Variants in ZFPM2 observed in about 807,000 individuals in gnomAD.
ZFPM2 encodes zinc finger protein, FOG family member 2.
In ZFPM2, 20 loss-of-function variants were observed where a neutral mutation model predicts 98.6. The ratio of observed to expected loss-of-function variants is 0.20; its 90% CI spans 0.14 to 0.29. The LOEUF (loss-of-function observed/expected upper bound fraction) is 0.29, where lower values mean the gene tolerates loss of function less well. Among genes scored for constraint, ZFPM2 ranks in the 10% least tolerant of loss-of-function variants. The pLI is 1.00. For missense variants in ZFPM2, 1,310 were observed against 1,388.6 expected (o/e 0.94, Z 0.90); for synonymous variants, 518 against 502.7 (o/e 1.03, Z -0.41).
At chr8:105,348,675 A>G (rs1812584742) in intron 1 of ZFPM2, among the ~76,000 whole-genome samples, 1 of 152,158 alleles carries the variant, frequency 6.6e-6, no homozygotes, top group Admixed American at 6.6e-5. Flanking sequence ...CACTTCTTTC[A>G]AGGGAGGGAC....
chr8:105,555,558 A>G (rs564552439), intron 3 of ZFPM2, among the ~76,000 whole-genome samples: 3 of 152,284 alleles, frequency 2.0e-5, no homozygotes, highest in Non-Finnish European at 2.9e-5. Flanking sequence ...TTCAAATATC[A>G]TGTGTCACAA....
At chr8:105,505,273 G>T (rs1813676582) in intron 3 of ZFPM2, among the ~76,000 whole-genome samples, 1 of 152,056 alleles carries the variant, frequency 6.6e-6, no homozygotes, top group African/African-American at 2.4e-5. Context: ...GTCTATAAAT[G>T]GTTACTAGTA....
chr8:105,346,263 A>G (rs1335190828), intron 1 of ZFPM2, among the ~76,000 whole-genome samples: 1 of 152,010 alleles, frequency 6.6e-6, no homozygotes, highest in Non-Finnish European at 1.5e-5. Context: ...GCATGACTGT[A>G]ATCCCAGCTA....
At chr8:105,340,357 C>A (rs1812405042) in intron 1 of ZFPM2, among the ~76,000 whole-genome samples, 1 of 151,854 alleles carries the variant, frequency 6.6e-6, no homozygotes, top group South Asian at 2.1e-4. Flanking sequence ...CCCATAACAA[C>A]AAAAATGCCT....
At chr8:105,507,283 C>G (rs1336736823) in intron 3 of ZFPM2, among the ~76,000 whole-genome samples, 1 of 152,158 alleles carries the variant, frequency 6.6e-6, no homozygotes, top group African/African-American at 2.4e-5. Context: ...TAAGAGTGAT[C>G]TCAGGTTAGG....
At chr8:105,534,684 G>A (rs963531838) in intron 3 of ZFPM2, among the ~76,000 whole-genome samples, 2 of 152,150 alleles carry the variant, frequency 1.3e-5, no homozygotes, top group African/African-American at 4.8e-5. Flanking sequence ...CAGCAGCTCA[G>A]TGAAAATACA....
intron 3 of ZFPM2, among the ~76,000 whole-genome samples, chr8:105,556,130 G>A (rs1043369042): frequency 2.6e-5 from 4 of 152,138 alleles, no homozygotes; most frequent in African/African-American, 9.7e-5. Flanking sequence ...TCCTGGCAGA[G>A]ATTTGAAACC....
chr8:105,470,729 G>C (rs569838345), intron 3 of ZFPM2, among the ~76,000 whole-genome samples: 2 of 152,122 alleles, frequency 1.3e-5, no homozygotes, highest in Admixed American at 1.3e-4. Flanking sequence ...AGTGAGCCAA[G>C]ATTGTGCCAC....
chr8:105,804,394 T>TATAAG lies in ZFPM2; in HGVS notation c.*859_*863dup, dbSNP rs1460502598. The TATAAG allele has an allele frequency of 6.6e-6, 1 of 152,588 alleles. No individual in the cohort carries two copies. The highest frequency in any genetic ancestry group is 2.4e-5 in the African/African-American group (1 of 41,450). The allele number at this position is 152,588 out of a possible 1,614,324, so 9.5% of individuals were successfully genotyped here. A position where few individuals can be genotyped will look rare whatever the true frequency, so the allele number is the denominator to read the frequency against. ...GCTGCAAGTATGAATTTAATTCATA[T>TATAAG]ATAAGATCTATTTAAATATAAGAGT... On this transcript the variant is annotated 3_prime_UTR_variant, in exon 8 of 8. Transcript: ENST00000407775.
At chr8:105,444,708 A>G (rs1347581187) in intron 3 of ZFPM2, among the ~76,000 whole-genome samples, 1 of 152,178 alleles carries the variant, frequency 6.6e-6, no homozygotes, top group African/African-American at 2.4e-5. Flanking sequence ...AAAGCTTACA[A>G]ACAAGAAACA....
At chr8:105,740,206 A>G (rs1812180270) in intron 5 of ZFPM2, among the ~76,000 whole-genome samples, 1 of 152,066 alleles carries the variant, frequency 6.6e-6, no homozygotes, top group South Asian at 2.1e-4. Context: ...TCAGAAATAA[A>G]ATATTTCACA....
chr8:105,446,355 T>A (rs1812370232), intron 3 of ZFPM2, among the ~76,000 whole-genome samples: 1 of 152,104 alleles, frequency 6.6e-6, no homozygotes, highest in African/African-American at 2.4e-5. Context: ...ATGGGGAAAA[T>A]TTGTAGGGAG....
At chr8:105,423,147 T>C (rs1312747066) in intron 2 of ZFPM2, among the ~76,000 whole-genome samples, 1 of 152,206 alleles carries the variant, frequency 6.6e-6, no homozygotes, top group East Asian at 1.9e-4. Flanking sequence ...ATCACTCTTA[T>C]AATGTAAGAT....
At chr8:105,417,854 T>C (rs1811709198) in intron 1 of ZFPM2, among the ~76,000 whole-genome samples, 1 of 152,162 alleles carries the variant, frequency 6.6e-6, no homozygotes, top group African/African-American at 2.4e-5. Context: ...CCTTTTCTTC[T>C]TAACATTTGC....
intron 1 of ZFPM2, among the ~76,000 whole-genome samples, chr8:105,324,591 T>C (rs1368983268): frequency 2.0e-5 from 3 of 151,906 alleles, no homozygotes; most frequent in Admixed American, 1.3e-4. Context: ...GATTTGGGAC[T>C]AGTGTATGGA....
intron 6 of ZFPM2, among the ~76,000 whole-genome samples, chr8:105,789,354 G>A (rs201063348): frequency 7.9e-5 from 12 of 152,034 alleles, no homozygotes; most frequent in African/African-American, 2.4e-4. Context: ...TTGTTCTTGC[G>A]ATAGTTTACT....
At chr8:105,650,740 G>A (rs1379460569) in intron 5 of ZFPM2, among the ~76,000 whole-genome samples, 1 of 152,180 alleles carries the variant, frequency 6.6e-6, no homozygotes, top group Non-Finnish European at 1.5e-5. Flanking sequence ...TGGTCTGAGA[G>A]ACAGTTTGTT....
intron 5 of ZFPM2, among the ~76,000 whole-genome samples, chr8:105,703,039 T>C (rs1400295714): frequency 6.6e-6 from 1 of 152,190 alleles, no homozygotes; most frequent in Non-Finnish European, 1.5e-5. Context: ...GAATGAGTTT[T>C]GCTTGGACTC....
At chr8:105,487,363 C>G (rs1416291954) in intron 3 of ZFPM2, among the ~76,000 whole-genome samples, 2 of 152,166 alleles carry the variant, frequency 1.3e-5, no homozygotes, top group Non-Finnish European at 2.9e-5. Context: ...AAGCTATCCT[C>G]TTGCCTCGGC....
Sources: allele counts gnomAD v4.1 joint callset (sites outside exome capture counted in the v4.1 genomes callset), GRCh38; gene constraint gnomAD v4.1.1; transcripts MANE v1.5; gene names NCBI Gene and HGNC (gene_info 2026-07-23, HGNC 2026-07-21).